CADM2: variants seen among roughly 807,000 people sequenced by gnomAD.
CADM2 encodes cell adhesion molecule 2, also known as immunoglobulin superfamily member 4D.
CADM2 carries 12 observed loss-of-function variants against 49.8 expected under a neutral mutation model. That is an observed-to-expected ratio of 0.24 (90% CI 0.15 to 0.39). CADM2 has a LOEUF of 0.39. Ranked by LOEUF, CADM2 falls within the 10% of genes least tolerant of loss-of-function variation. The pLI, the probability that CADM2 is intolerant of heterozygous loss-of-function variation, is 1.00. For missense variants in CADM2, 378 were observed against 492.3 expected (o/e 0.77, Z 2.20); for synonymous variants, 214 against 175.4 (o/e 1.22, Z -1.74).
Position 85,840,258 on chromosome 3 carries a change from A to G in CADM2, c.238+38062A>G, listed in dbSNP as rs192726200. Among the ~76,000 whole-genome samples, 19 of 151,902 alleles carry G rather than the reference A, an allele frequency of 1.3e-4. No individual in the cohort carries two copies. In the East Asian group the frequency reaches 3.7e-3, roughly 30 times the overall value. ...TTTCATTTCTGTTGCAGCAAGTTTA[A>G]TTAGTTTTTGAACCATGTTTCTGTT... On this transcript the variant is annotated intron_variant, in intron 3 of 9. Transcript: ENST00000383699.
intron 1 of CADM2, among the ~76,000 whole-genome samples, chr3:85,482,598 T>A (rs1057096846): frequency 6.6e-6 from 1 of 151,702 alleles, no homozygotes; most frequent in Non-Finnish European, 1.5e-5. Flanking sequence ...TATTTAAACA[T>A]GTTAGATGTG....
chr3:85,883,357 A>C lies in CADM2; in HGVS notation c.305A>C (p.Asp102Ala). 1 of 1,613,904 alleles carries C rather than the reference A, an allele frequency of 6.2e-7. No individual in the cohort carries two copies. Among genetic ancestry groups the C allele is most frequent in the Non-Finnish European group, 8.5e-7 (1 of 1,179,890 alleles). ...CATGAATTGAGTATTAGTGTCAGTGATGTGTCTCTCTCTGATGAAGGACAG... is the reference window on the plus strand; with the variant it reads ...CATGAATTGAGTATTAGTGTCAGTGCTGTGTCTCTCTCTGATGAAGGACAG... Reference protein sequence around the residue: ...SWHELSISVSDVSLSDEGQYT... With the variant: ...SWHELSISVSAVSLSDEGQYT... The change falls in exon 4 of 10, where the codon GAT (aspartate) becomes GCT (alanine). Residue 102 changes from aspartate to alanine, a missense_variant. Physicochemically the swap from Asp to Ala is moderately radical, Grantham distance 126. Transcript: ENST00000383699.
intron 1 of CADM2, among the ~76,000 whole-genome samples, chr3:85,003,787 A>G (rs2033590371): frequency 6.6e-6 from 1 of 152,158 alleles, no homozygotes; most frequent in African/African-American, 2.4e-5. Flanking sequence ...CTATTTTTAA[A>G]GTATTAGTCC....
At chr3:85,916,588 T>C (rs1718362013) in intron 6 of CADM2, among the ~76,000 whole-genome samples, 1 of 152,080 alleles carries the variant, frequency 6.6e-6, no homozygotes, top group African/African-American at 2.4e-5. Flanking sequence ...ACATTTGGGT[T>C]GGTTCCAAGT....
intron 1 of CADM2, among the ~76,000 whole-genome samples, chr3:85,707,231 ATTT>A (rs2066978151): frequency 6.6e-6 from 1 of 151,992 alleles, no homozygotes; most frequent in African/African-American, 2.4e-5. Flanking sequence ...AAATAATAGA[ATTT>A]TTTATGAATT....
chr3:85,712,475 G>A (rs562417684), intron 1 of CADM2, among the ~76,000 whole-genome samples: 2 of 152,276 alleles, frequency 1.3e-5, no homozygotes, highest in South Asian at 4.1e-4. Context: ...AACAGAGTCA[G>A]TAATAAACTT....
At position 85,632,357 on chromosome 3, in the gene CADM2, A is replaced by C. The variant is rs530056799; in HGVS notation, c.62-94165A>C. Among the ~76,000 whole-genome samples, 299 of 152,196 alleles carry C rather than the reference A, an allele frequency of 2.0e-3. 1 individual carries two copies. The highest frequency in any genetic ancestry group is 6.9e-3 in the African/African-American group (287 of 41,546). ...GACCTCTTTCCTTTGTAAATTGCCCAGTCTTGGGTATGTCATTATCAGCAG... is the reference window on the plus strand; with the variant it reads ...GACCTCTTTCCTTTGTAAATTGCCCCGTCTTGGGTATGTCATTATCAGCAG... On this transcript the variant is annotated intron_variant, in intron 1 of 9. Coordinates refer to ENST00000383699, the MANE Select transcript of CADM2 (RefSeq NM_001167675.2).
At chr3:85,893,876 G>A (rs1432342827) in intron 5 of CADM2, among the ~76,000 whole-genome samples, 4 of 152,150 alleles carry the variant, frequency 2.6e-5, no homozygotes, top group Non-Finnish European at 5.9e-5. Context: ...TGGAGAAATA[G>A]GAACACTTTT....
chr3:85,092,355 A>G (rs1291172378), intron 1 of CADM2, among the ~76,000 whole-genome samples: 1 of 152,206 alleles, frequency 6.6e-6, no homozygotes, highest in Non-Finnish European at 1.5e-5. Context: ...GGAAATGTAT[A>G]CATAAAATTT....
At chr3:85,893,390 A>G (rs559091112) in intron 5 of CADM2, among the ~76,000 whole-genome samples, 3 of 152,222 alleles carry the variant, frequency 2.0e-5, no homozygotes, top group Admixed American at 6.5e-5. Context: ...AACCATAAAA[A>G]CCCTAGAAGA....
chr3:85,656,673 T>A (rs908584473), intron 1 of CADM2, among the ~76,000 whole-genome samples: 5 of 151,842 alleles, frequency 3.3e-5, no homozygotes, highest in Non-Finnish European at 7.4e-5. Context: ...TAAGAAAAAA[T>A]TTCATACATG....
At chr3:85,966,965 T>C (rs1293697993) in intron 8 of CADM2, among the ~76,000 whole-genome samples, 1 of 151,718 alleles carries the variant, frequency 6.6e-6, no homozygotes, top group Non-Finnish European at 1.5e-5. Context: ...AGAATATTAC[T>C]GCTAGAGATC....
chr3:85,820,876 A>T (rs1379337471), intron 3 of CADM2, among the ~76,000 whole-genome samples: 4 of 152,190 alleles, frequency 2.6e-5, no homozygotes, highest in Non-Finnish European at 5.9e-5. Context: ...AGGGGGAGAC[A>T]GCACTTGAAT....
intron 1 of CADM2, among the ~76,000 whole-genome samples, chr3:84,981,436 A>C (rs2107136901): frequency 6.6e-6 from 1 of 152,210 alleles, no homozygotes; most frequent in Non-Finnish European, 1.5e-5. Context: ...TCTGAATTGT[A>C]CGTTACTATT....
chr3:85,334,514 A>T (rs375510401), intron 1 of CADM2, among the ~76,000 whole-genome samples: 11 of 151,642 alleles, frequency 7.3e-5, no homozygotes, highest in African/African-American at 2.7e-4. Context: ...TTTTATGATG[A>T]TGATTAATCA....
intron 1 of CADM2, among the ~76,000 whole-genome samples, chr3:85,225,458 G>A (rs766765590): frequency 1.3e-5 from 2 of 152,110 alleles, no homozygotes; most frequent in Non-Finnish European, 2.9e-5. Context: ...TTTTGCATCC[G>A]GAGATGTTGC....
chr3:86,032,990 T>C (rs1156883535), intron 8 of CADM2, among the ~76,000 whole-genome samples: 2 of 151,928 alleles, frequency 1.3e-5, no homozygotes, highest in African/African-American at 4.8e-5. Context: ...TATCAATCTC[T>C]TTTCCTTTTT....
chr3:85,223,291 A>G (rs1396005642), intron 1 of CADM2, among the ~76,000 whole-genome samples: 1 of 152,142 alleles, frequency 6.6e-6, no homozygotes, highest in Non-Finnish European at 1.5e-5. Flanking sequence ...CTCTGTGGGG[A>G]AGATATTGGG....
intron 3 of CADM2, among the ~76,000 whole-genome samples, chr3:85,814,600 C>G (rs2073093071): frequency 6.6e-6 from 1 of 151,732 alleles, no homozygotes; most frequent in Non-Finnish European, 1.5e-5. Context: ...TTGAAATGAT[C>G]AACAAAACAG....
Sources: allele counts gnomAD v4.1 joint callset (sites outside exome capture counted in the v4.1 genomes callset), GRCh38; gene constraint gnomAD v4.1.1; transcripts MANE v1.5; gene names NCBI Gene and HGNC (gene_info 2026-07-23, HGNC 2026-07-21).